Variants in SEMA6D observed in about 807,000 individuals in gnomAD.
The protein encoded by SEMA6D is semaphorin 6D.
SEMA6D carries 35 observed loss-of-function variants against 106.6 expected under a neutral mutation model. The ratio of observed to expected loss-of-function variants is 0.33; its 90% CI spans 0.25 to 0.44. The LOEUF (loss-of-function observed/expected upper bound fraction) is 0.44. SEMA6D is among the 20% of genes least tolerant of loss of function. SEMA6D has a pLI of 1.00. For missense variants in SEMA6D, 1,185 were observed against 1,345.9 expected, an observed-to-expected ratio of 0.88 and a Z score of 1.87; for synonymous variants, 499 against 487.7, an observed-to-expected ratio of 1.02 and a Z score of -0.31.
Position 47,619,319 on chromosome 15 carries a change from G to A in SEMA6D, c.-55+18423G>A, listed in dbSNP as rs144947536. ...TCTTCAAACCTTTAGTTAAAGCAACGCAAGAGGGTGGGGTTCTCCACACCC... is the reference window on the plus strand; with the variant it reads ...TCTTCAAACCTTTAGTTAAAGCAACACAAGAGGGTGGGGTTCTCCACACCC... On this transcript the variant is annotated intron_variant, in intron 4 of 19. Coordinates refer to the SEMA6D transcript ENST00000558014. Among the ~76,000 whole-genome samples, 404 of 152,276 alleles carry A rather than the reference G, an allele frequency of 2.7e-3. 2 individuals carry two copies. The highest frequency in any genetic ancestry group is 9.1e-3 in the African/African-American group (380 of 41,564).
At chr15:47,758,476 C>T (rs1476949527) in intron 1 of SEMA6D, among the ~76,000 whole-genome samples, 2 of 152,084 alleles carry the variant, frequency 1.3e-5, no homozygotes, top group African/African-American at 4.8e-5. Flanking sequence ...AAGTAGAACA[C>T]TTACAGCTTC....
chr15:47,331,303 G>A (rs1350877151), intron 1 of SEMA6D, among the ~76,000 whole-genome samples: 2 of 152,144 alleles, frequency 1.3e-5, no homozygotes, highest in African/African-American at 2.4e-5. Context: ...CAAAAGGGCA[G>A]GCTTTAAGGA....
chr15:47,530,352 C>G (rs1363152966), intron 3 of SEMA6D, among the ~76,000 whole-genome samples: 2 of 152,144 alleles, frequency 1.3e-5, no homozygotes, highest in Non-Finnish European at 2.9e-5. Flanking sequence ...TGAGCAAATG[C>G]ATTAATAGAT....
At chr15:47,666,044 A>T (rs1483017761) in intron 4 of SEMA6D, among the ~76,000 whole-genome samples, 2 of 152,206 alleles carry the variant, frequency 1.3e-5, no homozygotes, top group Non-Finnish European at 2.9e-5. Context: ...CTAAAGTTAG[A>T]TGCTTGCCAA....
At chr15:47,582,404 G>A (rs2076270008) in intron 3 of SEMA6D, among the ~76,000 whole-genome samples, 1 of 152,182 alleles carries the variant, frequency 6.6e-6, no homozygotes, top group South Asian at 2.1e-4. Flanking sequence ...AAGCCAGTCG[G>A]AAGACAAAAG....
intron 1 of SEMA6D, among the ~76,000 whole-genome samples, chr15:47,374,816 A>G (rs985144440): frequency 6.6e-6 from 1 of 152,148 alleles, no homozygotes; most frequent in African/African-American, 2.4e-5. Flanking sequence ...ATATAGAAAC[A>G]TCTATTAGAT....
intron 4 of SEMA6D, among the ~76,000 whole-genome samples, chr15:47,658,603 G>A (rs562749986): frequency 2.0e-5 from 3 of 152,182 alleles, no homozygotes; most frequent in East Asian, 3.9e-4. Flanking sequence ...GTCCAATTTT[G>A]GTGTTGGACT....
At chr15:47,272,000 G>GCTTA in intron 1 of SEMA6D, among the ~76,000 whole-genome samples, 1 of 152,082 alleles carries the variant, frequency 6.6e-6, no homozygotes, top group African/African-American at 2.4e-5. Flanking sequence ...TCTTTTCAAG[G>GCTTA]CTTACATCAA....
rs548699702 is a variant in SEMA6D, at chr15:47,704,540, C to T, written c.-54-55205C>T. Among the ~76,000 whole-genome samples the T allele has an allele frequency of 3.3e-4, 50 of 152,124 alleles. 1 individual carries two copies. The South Asian group carries it at 8.5e-3, about 26-fold the overall frequency. ...TCAAGACCAGCCTGGGCAACATGGC[C>T]AAACCCCATCTCTACAAAAAATTAG... On this transcript the variant is annotated intron_variant, in intron 4 of 19. Coordinates refer to the SEMA6D transcript ENST00000558014.
intron 1 of SEMA6D, among the ~76,000 whole-genome samples, chr15:47,276,683 G>C (rs1218417058): frequency 6.6e-6 from 1 of 152,188 alleles, no homozygotes; most frequent in Non-Finnish European, 1.5e-5. Flanking sequence ...CAAGAGCTCA[G>C]ATGGAAATGT....
At chr15:47,590,386 G>C (rs1014513102) in intron 3 of SEMA6D, among the ~76,000 whole-genome samples, 1 of 151,634 alleles carries the variant, frequency 6.6e-6, no homozygotes, top group Non-Finnish European at 1.5e-5. Flanking sequence ...GTCAGGGGGT[G>C]GGGGGCTGGG....
rs779130502 is a variant in SEMA6D, at chr15:47,581,307, CAT to C, written c.-86-19556_-86-19555del. 4.5e-4 allele frequency: 219 copies of C among 482,902 alleles called. 1 individual carries two copies. The highest frequency in any genetic ancestry group is 3.2e-4 in the Non-Finnish European group (77 of 242,648). The allele number at this position is 482,902 out of a possible 1,614,324, so 29.9% of individuals were successfully genotyped here. On this transcript the variant is annotated intron_variant, in intron 3 of 19. Transcript: ENST00000558014. ...GTTTACATTGTGCAATTTCATGTGA[CAT>C]AGTGATTTTTAGGAACACATATGTC...
intron 3 of SEMA6D, among the ~76,000 whole-genome samples, chr15:47,580,973 A>G (rs1399579807): frequency 1.3e-5 from 2 of 152,194 alleles, no homozygotes; most frequent in Admixed American, 6.5e-5. Context: ...GGGATCTACC[A>G]GCTTCCTCAG....
chr15:47,701,725 G>A (rs568949893), intron 4 of SEMA6D, among the ~76,000 whole-genome samples: 2 of 152,282 alleles, frequency 1.3e-5, no homozygotes, highest in African/African-American at 2.4e-5. Flanking sequence ...GTAGCATAGC[G>A]AAAATTTCCT....
At chr15:47,473,096 A>G (rs886722986) in intron 3 of SEMA6D, among the ~76,000 whole-genome samples, 1 of 152,184 alleles carries the variant, frequency 6.6e-6, no homozygotes, top group African/African-American at 2.4e-5. Flanking sequence ...AGTCTGAGGA[A>G]AAGAAAATGC....
At chr15:47,446,866 G>C (rs2042043500) in intron 2 of SEMA6D, among the ~76,000 whole-genome samples, 1 of 152,106 alleles carries the variant, frequency 6.6e-6, no homozygotes, top group Admixed American at 6.5e-5. Flanking sequence ...AAAATGGCCA[G>C]CAAAGAGATA....
rs5812384 is a variant in SEMA6D, at chr15:47,367,966, CTT to C, written c.-238-44416_-238-44415del. 4.5e-4 allele frequency among the ~76,000 whole-genome samples: 67 copies of C among 147,990 alleles called. No individual in the cohort carries two copies. The South Asian group carries it at 5.3e-3, about 12-fold the overall frequency. ...AAGGGCCCCCTGTGGCTTAATGCTC[CTT>C]TTTTTTTTTTCAGAAGAACATTTGG... On this transcript the variant is annotated intron_variant, in intron 1 of 19. Transcript: ENST00000558014.
intron 3 of SEMA6D, among the ~76,000 whole-genome samples, chr15:47,526,925 G>A (rs2044778670): frequency 6.6e-6 from 1 of 152,102 alleles, no homozygotes. Flanking sequence ...TTTTAGTAGA[G>A]ATGGGGTTTC....
rs1037658393 is a variant in SEMA6D, at chr15:47,766,083, C to A, written c.1569-22C>A. On this transcript the variant is annotated intron_variant, in intron 14 of 18. Coordinates refer to ENST00000536845, the MANE Select transcript of SEMA6D (RefSeq NM_001358351.3). ...TTTGTTGATGAGAAAATCCAAGTTACATTCTGTTTGGTTTTACACAGGTCT... is the reference window on the plus strand; with the variant it reads ...TTTGTTGATGAGAAAATCCAAGTTAAATTCTGTTTGGTTTTACACAGGTCT... 6.2e-6 allele frequency: 10 copies of A among 1,613,132 alleles called. No individual in the cohort carries two copies. In the African/African-American group the frequency reaches 8.0e-5, roughly 13 times the overall value.
Sources: allele counts gnomAD v4.1 joint callset (sites outside exome capture counted in the v4.1 genomes callset), GRCh38; gene constraint gnomAD v4.1.1; transcripts MANE v1.5; gene names NCBI Gene and HGNC (gene_info 2026-07-23, HGNC 2026-07-21).